Variants in AP3S2 observed in about 807,000 individuals in gnomAD.
AP3S2 encodes the protein adaptor related protein complex 3 subunit sigma 2.
A neutral mutation model predicts 23.4 loss-of-function variants in AP3S2; 22 were observed. The ratio of observed to expected loss-of-function variants is 0.94; its 90% CI spans 0.67 to 1.34. The LOEUF (loss-of-function observed/expected upper bound fraction) is 1.34, where lower values mean the gene tolerates loss of function less well. AP3S2 is among the 40% of genes most tolerant of loss of function. AP3S2 has a pLI of 0.00. For missense variants in AP3S2, 241 were observed against 236.9 expected, an observed-to-expected ratio of 1.02 and a Z score of -0.11; for synonymous variants, 86 against 87.1, an observed-to-expected ratio of 0.99 and a Z score of 0.07.
At chr15:89,868,794 C>A (rs1424212707) in intron 4 of AP3S2, among the ~76,000 whole-genome samples, 86 of 123,862 alleles carry the variant, frequency 6.9e-4, no homozygotes, top group Middle Eastern at 4.8e-3. Context: ...CTCTGCCCGG[C>A]CAGCCGCCCC....
chr15:89,850,722 T>TG (rs978205044), intron 4 of AP3S2: 1 of 152,190 alleles, frequency 6.6e-6, no homozygotes, highest in Non-Finnish European at 1.5e-5. Flanking sequence ...TTTTTCTTTT[T>TG]TTTTTTTGAG....
intron 3 of AP3S2, among the ~76,000 whole-genome samples, chr15:89,880,911 G>A (rs1896556104): frequency 6.6e-6 from 1 of 152,132 alleles, no homozygotes; most frequent in African/African-American, 2.4e-5. Flanking sequence ...TTCTGGGTGT[G>A]GGAAGAACAA....
chr15:89,862,915 C>T (rs962592933), intron 4 of AP3S2, among the ~76,000 whole-genome samples: 2 of 151,792 alleles, frequency 1.3e-5, no homozygotes, highest in Non-Finnish European at 2.9e-5. Context: ...TTTTTAAATA[C>T]CCAAGTTTTG....
At chr15:89,866,123 A>T (rs2141872718) in intron 4 of AP3S2, among the ~76,000 whole-genome samples, 1 of 152,042 alleles carries the variant, frequency 6.6e-6, no homozygotes, top group East Asian at 2.0e-4. Context: ...TTAGCCGGGC[A>T]TGGTGGCAGG....
intron 5 of AP3S2, among the ~76,000 whole-genome samples, chr15:89,836,758 T>C (rs551630578): frequency 4.4e-4 from 67 of 152,318 alleles, no homozygotes; most frequent in Non-Finnish European, 2.4e-4. Flanking sequence ...CTGACTCACT[T>C]ACTATTCCTG....
chr15:89,841,293 T>C (rs904172548), intron 4 of AP3S2, among the ~76,000 whole-genome samples: 2 of 152,220 alleles, frequency 1.3e-5, no homozygotes, highest in African/African-American at 4.8e-5. Context: ...AACTCCATTT[T>C]TGTTATAACT....
At chr15:89,842,147 G>C (rs1895343568) in intron 4 of AP3S2, among the ~76,000 whole-genome samples, 1 of 151,490 alleles carries the variant, frequency 6.6e-6, no homozygotes, top group Non-Finnish European at 1.5e-5. Flanking sequence ...ACTGGAAGAA[G>C]CAAAGGGAGA....
intron 3 of AP3S2, among the ~76,000 whole-genome samples, chr15:89,880,859 T>C (rs1896555436): frequency 6.6e-6 from 1 of 152,212 alleles, no homozygotes; most frequent in Admixed American, 6.5e-5. Context: ...CATACCATTG[T>C]TGACACCACA....
chr15:89,890,670 T>C (rs1276493917), intron 1 of AP3S2, among the ~76,000 whole-genome samples: 1 of 152,198 alleles, frequency 6.6e-6, no homozygotes, highest in African/African-American at 2.4e-5. Flanking sequence ...GACCACACTT[T>C]GAGTAACGAA....
chr15:89,885,588 A>G (rs968317294), intron 3 of AP3S2, among the ~76,000 whole-genome samples: 1 of 152,076 alleles, frequency 6.6e-6, no homozygotes, highest in Non-Finnish European at 1.5e-5. Context: ...AATGTTTTCT[A>G]TTTCTGACTT....
intron 4 of AP3S2, among the ~76,000 whole-genome samples, chr15:89,859,218 TTTCTTTCTTTCC>T (rs935115524): frequency 1.3e-5 from 2 of 150,852 alleles, no homozygotes; most frequent in African/African-American, 2.4e-5. Context: ...TTCCTTTCTC[TTTCTTTCTTTCC>T]TTCTTTCTTT....
intron 4 of AP3S2, among the ~76,000 whole-genome samples, chr15:89,843,267 A>G: frequency 6.6e-6 from 1 of 151,792 alleles, no homozygotes. Flanking sequence ...TACAAGCATG[A>G]GCCACTACAC....
At chr15:89,880,753 A>C (rs779488337) in intron 3 of AP3S2, among the ~76,000 whole-genome samples, 14 of 152,124 alleles carry the variant, frequency 9.2e-5, no homozygotes, top group Non-Finnish European at 2.9e-5. Flanking sequence ...AACTCAGTAG[A>C]ATAAAATGAA....
intron 1 of AP3S2, among the ~76,000 whole-genome samples, chr15:89,891,381 G>A (rs1312083507): frequency 6.6e-6 from 1 of 152,162 alleles, no homozygotes; most frequent in African/African-American, 2.4e-5. Flanking sequence ...ACAATGAGCT[G>A]GGTGCGGTGG....
At chr15:89,879,170 C>T (rs1896513361) in intron 3 of AP3S2, among the ~76,000 whole-genome samples, 1 of 152,264 alleles carries the variant, frequency 6.6e-6, no homozygotes, top group Non-Finnish European at 1.5e-5. Context: ...TGAGCCATTG[C>T]ACCCAGTGTG....
rs138976311 is a variant in AP3S2 at position 89,884,947 on chromosome 15, C to G, written c.273+3574G>C. Among the ~76,000 whole-genome samples the G allele has an allele frequency of 8.6e-3, 1,307 of 152,166 alleles. 31 individuals carry two copies. The highest frequency in any genetic ancestry group is 0.03 in the African/African-American group (1,235 of 41,542). ...CAGGCGTGAGCCGCTGTGCCTGGCC[C>G]ATCTTCCTTTTTAGAGTCAGGTTTT... On this transcript the variant is annotated intron_variant, in intron 3 of 5. Transcript: ENST00000336418.
At chr15:89,893,779 C>T in intron 1 of AP3S2, 102 bp downstream of exon 1, 1 of 1,168,442 alleles carries the variant, frequency 8.6e-7, no homozygotes, top group Non-Finnish European at 1.2e-6. Flanking sequence ...GCAGGAGCCC[C>T]AGGTGACCAA....
chr15:89,893,834 CAT>C, intron 1 of AP3S2, 45 bp downstream of exon 1: 1 of 1,547,802 alleles, frequency 6.5e-7, no homozygotes, highest in Non-Finnish European at 8.7e-7. Context: ...GGAGGGAAGA[CAT>C]AGTGGGCGCC....
chr15:89,868,698 G>T (rs1596208785), intron 4 of AP3S2, among the ~76,000 whole-genome samples: 1 of 119,406 alleles, frequency 8.4e-6, no homozygotes, highest in Admixed American at 7.6e-5. Context: ...GAGGTGGGGG[G>T]GTCAGCCCTC....
Sources: gnomAD v4.1 joint callset for allele counts (sites outside exome capture counted in the v4.1 genomes callset) on GRCh38, gnomAD v4.1.1 for gene constraint, MANE v1.5 for transcripts, NCBI Gene and HGNC (gene_info 2026-07-23, HGNC 2026-07-21) for gene names.